Variants in SYT1 observed in about 807,000 individuals in gnomAD.
The protein encoded by SYT1 is synaptotagmin 1, also known as synaptotagmin-1.
In SYT1, 8 loss-of-function variants were observed where a neutral mutation model predicts 44.8. The ratio of observed to expected loss-of-function variants is 0.18; its 90% CI spans 0.10 to 0.32. The LOEUF (loss-of-function observed/expected upper bound fraction) is 0.32, where lower values mean the gene tolerates loss of function less well. Among genes scored for constraint, SYT1 ranks in the 10% least tolerant of loss-of-function variants. The pLI is 1.00. For missense variants in SYT1, 286 were observed against 509.3 expected (o/e 0.56, Z 4.22); for synonymous variants, 154 against 188.8 (o/e 0.82, Z 1.51).
rs538193327 is a variant in SYT1 at position 79,439,927 on chromosome 12, A to G, written c.929-4146A>G. Among the ~76,000 whole-genome samples, 93 of 151,246 alleles carry G rather than the reference A, an allele frequency of 6.1e-4. 1 individual carries two copies. The highest frequency in any genetic ancestry group is 2.1e-3 in the African/African-American group (88 of 41,214). The stretch of plus-strand genomic sequence containing the variant: ...ACTGGCTTGAATTCTTTAAAAAAAA[A>G]AAAAATCAGCCTTTCTGGCTGGGCA... On this transcript the variant is annotated intron_variant, in intron 9 of 10. Coordinates refer to ENST00000261205, the MANE Select transcript of SYT1 (RefSeq NM_005639.3).
At chr12:78,969,651 G>A (rs1395579667) in intron 1 of SYT1, among the ~76,000 whole-genome samples, 1 of 152,156 alleles carries the variant, frequency 6.6e-6, no homozygotes, top group African/African-American at 2.4e-5. Flanking sequence ...AGTTTGATTT[G>A]ACTGTGATAT....
At chr12:79,412,769 C>G (rs1284648102) in intron 9 of SYT1, among the ~76,000 whole-genome samples, 4 of 152,044 alleles carry the variant, frequency 2.6e-5, no homozygotes, top group Non-Finnish European at 4.4e-5. Context: ...TTTGATATGC[C>G]AAATTCCTCT....
chr12:78,985,490 G>T (rs1459387103), intron 2 of SYT1, among the ~76,000 whole-genome samples: 1 of 151,304 alleles, frequency 6.6e-6, no homozygotes, highest in Non-Finnish European at 1.5e-5. Flanking sequence ...TTACATAGAA[G>T]GAGAAATGAC....
chr12:79,253,466 C>T (rs1461013622), intron 4 of SYT1, among the ~76,000 whole-genome samples: 1 of 147,914 alleles, frequency 6.8e-6, no homozygotes, highest in African/African-American at 2.5e-5. Flanking sequence ...AACTGTTCCA[C>T]CAAAAGCCAT....
intron 9 of SYT1, among the ~76,000 whole-genome samples, chr12:79,413,061 C>A (rs1243319353): frequency 6.6e-6 from 1 of 152,142 alleles, no homozygotes. Context: ...AGGAAAAAGC[C>A]TCTGGTTCTG....
At chr12:79,230,294 T>C (rs552095592) in intron 4 of SYT1, among the ~76,000 whole-genome samples, 8 of 152,224 alleles carry the variant, frequency 5.3e-5, no homozygotes, top group Non-Finnish European at 1.2e-4. Flanking sequence ...TTGTCTTCTC[T>C]AAATCTAAAC....
chr12:78,869,221 G>T (rs1324720658), intron 1 of SYT1, among the ~76,000 whole-genome samples: 1 of 151,644 alleles, frequency 6.6e-6, no homozygotes, highest in Non-Finnish European at 1.5e-5. Flanking sequence ...CAAAAAAAAA[G>T]ATAACCAGCA....
chr12:79,321,779 C>A (rs1470983994), intron 8 of SYT1, among the ~76,000 whole-genome samples: 1 of 152,226 alleles, frequency 6.6e-6, no homozygotes, highest in East Asian at 1.9e-4. Flanking sequence ...AACCTTCTTT[C>A]AGATCCTCAT....
At chr12:79,283,452 T>G (rs1879149880) in intron 4 of SYT1, among the ~76,000 whole-genome samples, 1 of 152,206 alleles carries the variant, frequency 6.6e-6, no homozygotes, top group African/African-American at 2.4e-5. Flanking sequence ...TTTCACTATT[T>G]TCTTTTTGTG....
chr12:79,207,576 T>C (rs1247459162), intron 3 of SYT1, among the ~76,000 whole-genome samples: 1 of 152,114 alleles, frequency 6.6e-6, no homozygotes, highest in African/African-American at 2.4e-5. Flanking sequence ...CCATGTGTAC[T>C]CATTGTTCAG....
At chr12:78,954,213 TC>T (rs919426369) in intron 1 of SYT1, among the ~76,000 whole-genome samples, 1 of 152,092 alleles carries the variant, frequency 6.6e-6, no homozygotes, top group Non-Finnish European at 1.5e-5. Flanking sequence ...ACACATGTTT[TC>T]TTTTTGGTAT....
chr12:79,109,374 A>T (rs928145329), intron 3 of SYT1, among the ~76,000 whole-genome samples: 1 of 152,196 alleles, frequency 6.6e-6, no homozygotes, highest in South Asian at 2.1e-4. Context: ...ACCATTTTGT[A>T]GATAAAAGAA....
At chr12:79,122,531 A>AAAAAAAT (rs1868292520) in intron 3 of SYT1, among the ~76,000 whole-genome samples, 1 of 150,424 alleles carries the variant, frequency 6.6e-6, no homozygotes, top group African/African-American at 2.4e-5. Context: ...AAAAAAAAAA[A>AAAAAAAT]AAAGAGATTC....
chr12:79,319,132 C>A (rs1388252528), intron 8 of SYT1, among the ~76,000 whole-genome samples: 1 of 152,156 alleles, frequency 6.6e-6, no homozygotes, highest in Non-Finnish European at 1.5e-5. Flanking sequence ...GCAATGGAAC[C>A]TATGTGTCGC....
intron 1 of SYT1, among the ~76,000 whole-genome samples, chr12:78,949,715 A>AT (rs1419264157): frequency 6.6e-5 from 10 of 152,158 alleles, no homozygotes; most frequent in African/African-American, 2.4e-4. Flanking sequence ...AATATGACAG[A>AT]TTTTCAAATC....
chr12:79,449,349 G>C lies in SYT1; in HGVS notation c.*225G>C. ...AATCTACTCTTCTTTTAAGCAATATGATGTGTAGATAGAGCATGAATGAAA... is the reference window on the plus strand; with the variant it reads ...AATCTACTCTTCTTTTAAGCAATATCATGTGTAGATAGAGCATGAATGAAA... On this transcript the variant is annotated 3_prime_UTR_variant, in exon 11 of 11. Transcript: ENST00000261205. 1.8e-6 allele frequency: 1 copy of C among 541,808 alleles called. No individual in the cohort carries two copies. The highest frequency in any genetic ancestry group is 3.3e-6 in the Non-Finnish European group (1 of 303,188). 33.6% of individuals were successfully genotyped at this position (541,808 alleles called of 1,614,324 possible).
chr12:79,393,753 G>T (rs1884762634), intron 9 of SYT1: 1 of 152,100 alleles, frequency 6.6e-6, no homozygotes. Context: ...TCGGTAGGTT[G>T]CCTGTTCACG....
intron 1 of SYT1, among the ~76,000 whole-genome samples, chr12:78,921,915 A>G (rs1877028523): frequency 6.6e-6 from 1 of 151,918 alleles, no homozygotes; most frequent in Non-Finnish European, 1.5e-5. Flanking sequence ...TTTGTGCTGG[A>G]TGAAACCAGT....
intron 2 of SYT1, among the ~76,000 whole-genome samples, chr12:79,035,075 A>G (rs1177466209): frequency 6.6e-6 from 1 of 151,682 alleles, no homozygotes; most frequent in Non-Finnish European, 1.5e-5. Context: ...ATCACAGGGT[A>G]TGGTACTGAA....
Sources: gnomAD v4.1 joint callset for allele counts (sites outside exome capture counted in the v4.1 genomes callset) on GRCh38, gnomAD v4.1.1 for gene constraint, MANE v1.5 for transcripts, NCBI Gene and HGNC (gene_info 2026-07-23, HGNC 2026-07-21) for gene names.